SMC1B: variants seen among roughly 807,000 people sequenced by gnomAD.
SMC1B encodes the protein structural maintenance of chromosomes 1B.
A neutral mutation model predicts 157.9 loss-of-function variants in SMC1B; 60 were observed. The ratio of observed to expected loss-of-function variants is 0.38; its 90% CI spans 0.31 to 0.47. The LOEUF is 0.47. SMC1B is among the 20% of genes least tolerant of loss of function. The pLI is 0.99. For synonymous variants in SMC1B, 445 were observed against 483.0 expected (o/e 0.92, Z 1.03); for missense variants, 1,165 against 1,426.2 (o/e 0.82, Z 2.95).
chr22:45,354,710 G>T (rs989897182), intron 20 of SMC1B, among the ~76,000 whole-genome samples: 1 of 152,052 alleles, frequency 6.6e-6, no homozygotes, highest in Admixed American at 6.6e-5. Context: ...TATTTATTAT[G>T]TCAATTTTTT....
chr22:45,357,970 G>T (rs2086685551), intron 19 of SMC1B, among the ~76,000 whole-genome samples: 1 of 152,158 alleles, frequency 6.6e-6, no homozygotes, highest in Admixed American at 6.5e-5. Context: ...CTTCTCTAAG[G>T]AGGTGGGGGA....
chr22:45,362,272 T>C (rs1336861315), intron 16 of SMC1B, among the ~76,000 whole-genome samples: 1 of 152,238 alleles, frequency 6.6e-6, no homozygotes, highest in Non-Finnish European at 1.5e-5. Context: ...GTGTTTCTGC[T>C]ATCATGATCT....
chr22:45,410,161 T>G (rs951121491), intron 1 of SMC1B, among the ~76,000 whole-genome samples: 2 of 152,224 alleles, frequency 1.3e-5, no homozygotes, highest in Non-Finnish European at 2.9e-5. Flanking sequence ...TGAGTTCGCT[T>G]TGTATTTTTT....
intron 24 of SMC1B, 43 bp downstream of exon 24, chr22:45,345,416 G>T: frequency 8.0e-7 from 1 of 1,251,692 alleles, no homozygotes; most frequent in Non-Finnish European, 1.2e-6. Flanking sequence ...ACTAAGGGAA[G>T]TTGGCATTGG....
chr22:45,412,483 G>C (rs555634181), intron 1 of SMC1B, among the ~76,000 whole-genome samples: 2 of 145,640 alleles, frequency 1.4e-5, no homozygotes, highest in Non-Finnish European at 3.0e-5. Context: ...ACAGGTGTGA[G>C]CCACCGCGCC....
In SMC1B at chr22:45,352,470, G is replaced by A; in HGVS notation, c.3406C>T (p.Leu1136Phe). ...CCTTACCTGTGCACAGCAAACAGGA[G>A]AGCCAAGGCTGCCACACACTTTTCT... The part of the protein sequence containing the change: ...GGEKCVAALA[L>F]LFAVHSFRPA... Residue 1136 changes from leucine to phenylalanine, a missense_variant, in exon 22 of 25, where the codon CTC (leucine) becomes TTC (phenylalanine). Coordinates refer to ENST00000357450, the MANE Select transcript of SMC1B (RefSeq NM_148674.5). 6.2e-7 allele frequency: 1 copy of A among 1,613,944 alleles called. No homozygotes were observed.
chr22:45,372,149 T>C lies in SMC1B; in HGVS notation c.2196+6A>G, dbSNP rs547770673. On this transcript the variant is annotated splice_donor_region_variant and intron_variant, in intron 13 of 24. Transcript: ENST00000357450. ...GCCTATCATATTTTATGTAAGTCTATATTACCTGGTAAAAAGCAACAAGGT... is the reference window on the plus strand; with the variant it reads ...GCCTATCATATTTTATGTAAGTCTACATTACCTGGTAAAAAGCAACAAGGT... 8.8e-6 allele frequency: 14 copies of C among 1,598,566 alleles called. No homozygotes were observed. The highest frequency in any genetic ancestry group is 7.0e-5 in the Admixed American group (4 of 56,994).
At chr22:45,359,086 A>T (rs1452872683) in intron 18 of SMC1B, among the ~76,000 whole-genome samples, 3 of 152,208 alleles carry the variant, frequency 2.0e-5, no homozygotes, top group Non-Finnish European at 2.9e-5. Context: ...AAAAACAAAA[A>T]AACCCCTGCA....
intron 5 of SMC1B, among the ~76,000 whole-genome samples, chr22:45,400,334 A>G (rs972009786): frequency 2.4e-4 from 37 of 152,166 alleles, no homozygotes; most frequent in Non-Finnish European, 4.6e-4. Context: ...CTAGAAAGTA[A>G]GGAAGAGCTC....
chr22:45,368,801 G>C (rs1602061695), intron 15 of SMC1B, among the ~76,000 whole-genome samples: 1 of 152,178 alleles, frequency 6.6e-6, no homozygotes, highest in East Asian at 1.9e-4. Context: ...TTACAGGCGT[G>C]AGCCACCACA....
chr22:45,367,865 T>C (rs1425032855), intron 15 of SMC1B, among the ~76,000 whole-genome samples: 1 of 152,202 alleles, frequency 6.6e-6, no homozygotes, highest in Non-Finnish European at 1.5e-5. Flanking sequence ...TCAGGAACTG[T>C]CTCATTCTTG....
At chr22:45,397,446 T>A (rs2087138033) in intron 6 of SMC1B, among the ~76,000 whole-genome samples, 1 of 152,218 alleles carries the variant, frequency 6.6e-6, no homozygotes, top group Admixed American at 6.5e-5. Flanking sequence ...GAACTATGAT[T>A]GATAGCAGCA....
chr22:45,370,996 C>T (rs1314272499), intron 14 of SMC1B, among the ~76,000 whole-genome samples: 3 of 152,224 alleles, frequency 2.0e-5, no homozygotes, highest in South Asian at 4.1e-4. Flanking sequence ...AGATACCCCA[C>T]GGTGGAATGG....
At chr22:45,361,377 C>CT (rs1191353843) in intron 17 of SMC1B, among the ~76,000 whole-genome samples, 1 of 152,186 alleles carries the variant, frequency 6.6e-6, no homozygotes, top group Non-Finnish European at 1.5e-5. Context: ...CTTTGGGAGG[C>CT]TGAGTCGAGC....
At chr22:45,375,215 T>C (rs1457632694) in intron 12 of SMC1B, among the ~76,000 whole-genome samples, 3 of 152,212 alleles carry the variant, frequency 2.0e-5, no homozygotes, top group African/African-American at 7.2e-5. Flanking sequence ...TTGTCTCTTA[T>C]CTACCTATGA....
chr22:45,351,689 A>C (rs1375126603), intron 22 of SMC1B, among the ~76,000 whole-genome samples: 1 of 152,188 alleles, frequency 6.6e-6, no homozygotes, highest in Non-Finnish European at 1.5e-5. Flanking sequence ...CTGGGCCTAC[A>C]GACATGTGTC....
chr22:45,354,157 T>C, intron 20 of SMC1B, 25 bp from the exon 21 acceptor site: 1 of 1,509,962 alleles, frequency 6.6e-7, no homozygotes, highest in South Asian at 1.4e-5. Flanking sequence ...ATGTTCTTTA[T>C]TTTAGAGACC....
rs762912949 is a variant in SMC1B, at chr22:45,344,611, T to G, written c.3653A>C (p.Gln1218Pro). ...FSRVLTLDLSQYPDTEGQESS... is the reference protein window; with the variant it reads ...FSRVLTLDLSPYPDTEGQESS... ...TTCTTGGCCTTCAGTGTCTGGATAC[T>G]GAGAAAGATCTAGGGTCAAAACTCG... Residue 1218 changes from glutamine to proline, a missense_variant, in exon 25 of 25, where the codon CAG becomes CCG. Coordinates refer to ENST00000357450, the MANE Select transcript of SMC1B (RefSeq NM_148674.5). The G allele has an allele frequency of 3.7e-6, 6 of 1,614,010 alleles. No individual in the cohort carries two copies.
chr22:45,371,620 G>C (rs1311071817), intron 13 of SMC1B, 33 bp from the exon 14 acceptor site: 1 of 1,565,320 alleles, frequency 6.4e-7, no homozygotes, highest in Non-Finnish European at 8.6e-7. Context: ...TTTTTAACAT[G>C]GCTGTTTTAG....
Sources: allele counts gnomAD v4.1 joint callset (sites outside exome capture counted in the v4.1 genomes callset), GRCh38; gene constraint gnomAD v4.1.1; transcripts MANE v1.5; gene names NCBI Gene and HGNC (gene_info 2026-07-23, HGNC 2026-07-21).